The following AGBL1 variants were observed in gnomAD, a reference collection of about 807,000 sequenced individuals.
AGBL1 encodes AGBL carboxypeptidase 1, also known as cytosolic carboxypeptidase 4.
Under a neutral mutation model 118.9 loss-of-function variants are expected in AGBL1, and 130 were observed. The ratio of observed to expected loss-of-function variants is 1.09; its 90% CI spans 0.95 to 1.26. The LOEUF (loss-of-function observed/expected upper bound fraction) is 1.26, where lower values mean the gene tolerates loss of function less well. Ranked by LOEUF, AGBL1 falls within the 50% of genes most tolerant of loss-of-function variation. The pLI is 0.00. For missense variants in AGBL1, 1,584 were observed against 1,298.1 expected (o/e 1.22, Z -3.38); for synonymous variants, 555 against 478.9 (o/e 1.16, Z -2.08).
chr15:86,387,389 G>A (rs563411809), intron 17 of AGBL1, among the ~76,000 whole-genome samples: 46 of 152,218 alleles, frequency 3.0e-4, no homozygotes, highest in African/African-American at 1.0e-3. Flanking sequence ...AAGGACTGTG[G>A]GTTCTACTAC....
rs181483050 is a variant in AGBL1 at position 86,621,038 on chromosome 15, A to G, written c.2995-53235A>G. Among the ~76,000 whole-genome samples, 457 of 152,160 alleles carry G rather than the reference A, an allele frequency of 3.0e-3. 5 individuals are homozygous for G. The highest frequency in any genetic ancestry group is 5.2e-3 in the Non-Finnish European group (353 of 67,990). On this transcript the variant is annotated intron_variant, in intron 21 of 22. Coordinates refer to ENST00000614907, the MANE Select transcript of AGBL1 (RefSeq NM_001386094.1). ...TCTCCTCGCTTTCCTGGAATTTGCA[A>G]CCCTTTCTATTTGGAGTCAGCTAAG...
intron 6 of AGBL1, among the ~76,000 whole-genome samples, chr15:86,235,716 A>C (rs1389775304): frequency 6.6e-6 from 1 of 152,224 alleles, no homozygotes; most frequent in Admixed American, 6.5e-5. Flanking sequence ...TGGTCCTGTC[A>C]GACGGGTAAA....
chr15:86,860,047 T>C (rs960206541), intron 22 of AGBL1, among the ~76,000 whole-genome samples: 1 of 152,136 alleles, frequency 6.6e-6, no homozygotes, highest in Non-Finnish European at 1.5e-5. Context: ...TTCAATAATG[T>C]CTTTTTGCTA....
At chr15:86,831,209 A>T (rs2141415270) in intron 22 of AGBL1, among the ~76,000 whole-genome samples, 1 of 152,252 alleles carries the variant, frequency 6.6e-6, no homozygotes, top group South Asian at 2.1e-4. Context: ...TGGGAGCTAA[A>T]ATTCAAGATA....
At chr15:86,523,784 C>G (rs78668239) in intron 19 of AGBL1, among the ~76,000 whole-genome samples, 6 of 152,126 alleles carry the variant, frequency 3.9e-5, no homozygotes, top group African/African-American at 1.4e-4. Flanking sequence ...TAGTACTATA[C>G]AATTGATTGA....
At chr15:86,160,371 AT>A (rs2077250584) in intron 5 of AGBL1, among the ~76,000 whole-genome samples, 1 of 152,184 alleles carries the variant, frequency 6.6e-6, no homozygotes, top group African/African-American at 2.4e-5. Context: ...CCAGTGTCTT[AT>A]CAGGAATCTA....
intron 18 of AGBL1, among the ~76,000 whole-genome samples, chr15:86,474,141 A>C (rs550462111): frequency 8.5e-5 from 13 of 152,300 alleles, no homozygotes; most frequent in Non-Finnish European, 1.6e-4. Context: ...TACAGCTCCC[A>C]GTGTGAGTGA....
chr15:86,714,414 T>C (rs554794163), intron 22 of AGBL1, among the ~76,000 whole-genome samples: 1 of 152,242 alleles, frequency 6.6e-6, no homozygotes, highest in East Asian at 1.9e-4. Flanking sequence ...AGTGGGAAAT[T>C]AGCCTGGAAG....
chr15:86,765,945 T>C (rs1471862018), intron 22 of AGBL1, among the ~76,000 whole-genome samples: 1 of 151,994 alleles, frequency 6.6e-6, no homozygotes, highest in Non-Finnish European at 1.5e-5. Context: ...GCAACTATTT[T>C]CCTTAAAGTA....
intron 22 of AGBL1, among the ~76,000 whole-genome samples, chr15:86,697,652 TAAAGAACC>T (rs2086285279): frequency 1.3e-5 from 2 of 151,902 alleles, no homozygotes; most frequent in African/African-American, 4.8e-5. Context: ...GGGGGAGTGT[TAAAGAACC>T]TTGTTTTGTC....
chr15:86,607,192 G>A (rs2084589684), intron 21 of AGBL1, among the ~76,000 whole-genome samples: 1 of 152,158 alleles, frequency 6.6e-6, no homozygotes, highest in African/African-American at 2.4e-5. Flanking sequence ...AGGTACCACA[G>A]TGTATGTATC....
chr15:86,670,537 G>A (rs1049244196), intron 21 of AGBL1, among the ~76,000 whole-genome samples: 1 of 151,142 alleles, frequency 6.6e-6, no homozygotes, highest in Admixed American at 6.6e-5. Flanking sequence ...CCAGGAGGCA[G>A]AGGTTGCAGT....
chr15:86,548,249 A>G (rs936766717), intron 20 of AGBL1, among the ~76,000 whole-genome samples: 2 of 152,194 alleles, frequency 1.3e-5, no homozygotes, highest in Admixed American at 1.3e-4. Flanking sequence ...AATTCTAAAC[A>G]TGTTAAACTT....
At chr15:86,190,621 C>T (rs1315524606) in intron 5 of AGBL1, among the ~76,000 whole-genome samples, 2 of 152,162 alleles carry the variant, frequency 1.3e-5, no homozygotes, top group African/African-American at 2.4e-5. Flanking sequence ...CTATAGAATG[C>T]ATAAAAGCAG....
At chr15:86,141,230 G>GT (rs2076958916) in intron 1 of AGBL1, among the ~76,000 whole-genome samples, 1 of 152,208 alleles carries the variant, frequency 6.6e-6, no homozygotes, top group Admixed American at 6.5e-5. Context: ...ATCCTTTAGA[G>GT]TTTTTTCATA....
chr15:86,363,004 G>A (rs1032209866), intron 17 of AGBL1, among the ~76,000 whole-genome samples: 16 of 152,186 alleles, frequency 1.1e-4, no homozygotes, highest in African/African-American at 3.9e-4. Flanking sequence ...GGCACATCAG[G>A]CTGGTTGCAG....
At chr15:86,696,806 C>A (rs1257964046) in intron 22 of AGBL1, among the ~76,000 whole-genome samples, 2 of 151,850 alleles carry the variant, frequency 1.3e-5, no homozygotes, top group South Asian at 2.1e-4. Context: ...CAGCAAATTT[C>A]TCTCAGCATT....
At chr15:86,677,929 C>T (rs2085878598) in intron 22 of AGBL1, among the ~76,000 whole-genome samples, 1 of 152,186 alleles carries the variant, frequency 6.6e-6, no homozygotes, top group South Asian at 2.1e-4. Context: ...GTCTCAGCAT[C>T]CAGATAACTA....
intron 21 of AGBL1, among the ~76,000 whole-genome samples, chr15:86,604,861 T>C (rs1423286283): frequency 6.6e-6 from 1 of 151,044 alleles, no homozygotes; most frequent in East Asian, 1.9e-4. Context: ...AATTATGTGA[T>C]CTCGGCTCAC....
Sources: gnomAD v4.1 joint callset for allele counts (sites outside exome capture counted in the v4.1 genomes callset) on GRCh38, gnomAD v4.1.1 for gene constraint, MANE v1.5 for transcripts, NCBI Gene and HGNC (gene_info 2026-07-23, HGNC 2026-07-21) for gene names.